SNX14: variants seen among roughly 807,000 people sequenced by gnomAD.
SNX14 encodes sorting nexin 14.
In SNX14, 93 loss-of-function variants were observed where a neutral mutation model predicts 133.8. That is an observed-to-expected ratio of 0.70 (90% CI 0.59 to 0.83). The LOEUF (loss-of-function observed/expected upper bound fraction) is 0.83, where lower values mean the gene tolerates loss of function less well. Ranked by LOEUF, SNX14 falls within the 40% of genes least tolerant of loss-of-function variation. The pLI, the probability that SNX14 is intolerant of heterozygous loss-of-function variation, is 0.00. For missense variants in SNX14, 945 were observed against 1,094.9 expected, an observed-to-expected ratio of 0.86 and a Z score of 1.93; for synonymous variants, 368 against 365.6, an observed-to-expected ratio of 1.01 and a Z score of -0.07.
rs1220817629 is a variant in SNX14 at position 85,514,202 on chromosome 6, G to A, written c.2425C>T (p.His809Tyr). Residue 809 changes from histidine (H) to tyrosine (Y), a missense_variant, in exon 25 of 29, where the codon CAT (histidine) becomes TAT (tyrosine). By Grantham distance (83) the His-to-Tyr change is moderately conservative. Transcript: ENST00000314673. ...ATTCGAGTTCCCATTAAGAGATGATGAAGCCAGTCAGGAACCTGGAAAACT... is the reference window on the plus strand; with the variant it reads ...ATTCGAGTTCCCATTAAGAGATGATAAAGCCAGTCAGGAACCTGGAAAACT... ...RVVFQVPDWL[H>Y]HLLMGTRILF... The A allele has an allele frequency of 1.2e-6, 2 of 1,613,538 alleles. No individual in the cohort carries two copies. The highest frequency in any genetic ancestry group is 1.7e-5 in the Admixed American group (1 of 59,912).
rs146849758 is a variant in SNX14, at chr6:85,547,145, C to G, written c.1075G>C (p.Ala359Pro). ...AAACAAAACTGCAACACGTGCACTG[C>G]GCCTTCTTGTTTCAGAAAGTTCATA... ...RFMNFLKQEG[A>P]VHVLQFCLTV... Residue 359 changes from alanine to proline, a missense_variant, in exon 12 of 29, where the codon GCA becomes CCA. Around this residue, in one of 3 missense-constraint regions of SNX14, gnomAD observed 514 missense variants for 538.8 expected, o/e 0.95. Transcript: ENST00000314673. 1.2e-6 allele frequency: 2 copies of G among 1,613,858 alleles called. No individual in the cohort carries two copies. Among genetic ancestry groups the G allele is most frequent in the African/African-American group, 1.3e-5 (1 of 74,916 alleles).
At chr6:85,523,536 A>C (rs777197510) in intron 21 of SNX14, among the ~76,000 whole-genome samples, 6 of 152,218 alleles carry the variant, frequency 3.9e-5, no homozygotes, top group Admixed American at 1.3e-4. Flanking sequence ...GCACTTTGGG[A>C]GGCTGAGGCA....
rs532585629 is a variant in SNX14 at position 85,538,724 on chromosome 6, T to C, written c.1475+114A>G. ...ATTATCCTAAATAACTAGGATATAA[T>C]GGCAGTTAATACCACAGTGTTCCAT... On this transcript the variant is annotated intron_variant, in intron 16 of 28. Transcript: ENST00000314673. 26 of 754,502 alleles carry C rather than the reference T, an allele frequency of 3.4e-5. No individual in the cohort carries two copies. The Admixed American group carries it at 6.0e-4, about 18-fold the overall frequency. The allele number at this position is 754,502 out of a possible 1,614,324, so 46.7% of individuals were successfully genotyped here.
chr6:85,558,047 G>A lies in SNX14; in HGVS notation c.563C>T (p.Ser188Phe). ...TTTTAATAGTTTCTTGGTTATAATA[G>A]ATGGAATATCCACCTAGAAAAATTC... ...IRRIHKVDIP[S>F]IITKKLLKAA... Residue 188 changes from serine to phenylalanine, a missense_variant, in exon 7 of 29, where the codon TCT becomes TTT. Coordinates refer to ENST00000314673, the MANE Select transcript of SNX14 (RefSeq NM_153816.6). The A allele has an allele frequency of 6.4e-7, 1 of 1,552,020 alleles. No homozygotes were observed. The highest frequency in any genetic ancestry group is 2.3e-5 in the East Asian group (1 of 44,116).
chr6:85,570,768 G>A (rs1284873207), intron 4 of SNX14, among the ~76,000 whole-genome samples: 2 of 151,942 alleles, frequency 1.3e-5, no homozygotes, highest in African/African-American at 4.8e-5. Context: ...CAAGAGAATC[G>A]TTTGAACTCG....
chr6:85,584,248 T>C (rs1402236133), intron 1 of SNX14, among the ~76,000 whole-genome samples: 1 of 152,038 alleles, frequency 6.6e-6, no homozygotes, highest in Admixed American at 6.6e-5. Context: ...AAAAATCAAA[T>C]AAAGATGGAT....
intron 2 of SNX14, among the ~76,000 whole-genome samples, chr6:85,573,152 A>G (rs1380066230): frequency 6.6e-6 from 1 of 152,194 alleles, no homozygotes; most frequent in South Asian, 2.1e-4. Context: ...AAGACAAGAT[A>G]CTACACCAAC....
At chr6:85,553,488 T>G (rs900850197) in intron 7 of SNX14, among the ~76,000 whole-genome samples, 1 of 152,054 alleles carries the variant, frequency 6.6e-6, no homozygotes, top group African/African-American at 2.4e-5. Context: ...CTTTCAGCCT[T>G]AGAATCTGTA....
intron 18 of SNX14, among the ~76,000 whole-genome samples, chr6:85,530,913 T>A (rs1780081783): frequency 6.6e-6 from 1 of 152,150 alleles, no homozygotes; most frequent in Admixed American, 6.6e-5. Context: ...TTCATAAGTT[T>A]TTTTTATTGA....
chr6:85,535,850 C>T lies in SNX14; in HGVS notation c.1608+942G>A, dbSNP rs974744830. Among the ~76,000 whole-genome samples, 9 of 152,216 alleles carry T rather than the reference C, an allele frequency of 5.9e-5. No individual in the cohort carries two copies. The South Asian group carries it at 1.4e-3, about 25-fold the overall frequency. On this transcript the variant is annotated intron_variant, in intron 17 of 28. Coordinates refer to ENST00000314673, the MANE Select transcript of SNX14 (RefSeq NM_153816.6). ...CCTTCTTGGTCATCATCAATCCAAT[C>T]AGTACTAAACACCCCTTTTATACCC...
intron 7 of SNX14, among the ~76,000 whole-genome samples, chr6:85,552,472 C>A (rs1182606759): frequency 1.3e-5 from 2 of 151,990 alleles, no homozygotes; most frequent in African/African-American, 2.4e-5. Context: ...CTGCTAGGAC[C>A]CCCAGCATGA....
intron 21 of SNX14, among the ~76,000 whole-genome samples, chr6:85,518,751 G>A (rs1197215821): frequency 6.6e-6 from 1 of 152,116 alleles, no homozygotes; most frequent in Admixed American, 6.5e-5. Context: ...TTTGTGACAG[G>A]CAAACCACCC....
chr6:85,537,050 T>C (rs1219993072), intron 16 of SNX14, 126 bp from the exon 17 acceptor site: 3 of 997,296 alleles, frequency 3.0e-6, no homozygotes, highest in Non-Finnish European at 4.2e-6. Flanking sequence ...ATAGCTAACA[T>C]AACTTTTGGA....
chr6:85,592,078 T>G (rs1802961695), intron 1 of SNX14, among the ~76,000 whole-genome samples: 1 of 152,224 alleles, frequency 6.6e-6, no homozygotes, highest in African/African-American at 2.4e-5. Flanking sequence ...CCTGTTAGTC[T>G]AGCTTGGAAT....
At chr6:85,554,599 G>A (rs1789017372) in intron 7 of SNX14, among the ~76,000 whole-genome samples, 2 of 152,036 alleles carry the variant, frequency 1.3e-5, no homozygotes, top group Admixed American at 6.6e-5. Flanking sequence ...GGGATCTTGG[G>A]ATAAAATAAG....
chr6:85,546,362 G>C (rs1785478841), intron 12 of SNX14, among the ~76,000 whole-genome samples: 1 of 152,014 alleles, frequency 6.6e-6, no homozygotes, highest in South Asian at 2.1e-4. Flanking sequence ...GAAATTAAAT[G>C]CATTAAAAAC....
At chr6:85,509,880 A>G (rs976207315) in intron 26 of SNX14, among the ~76,000 whole-genome samples, 4 of 152,178 alleles carry the variant, frequency 2.6e-5, no homozygotes, top group African/African-American at 9.6e-5. Flanking sequence ...AACAGCAGAT[A>G]GTTGAAAATA....
At chr6:85,567,247 G>A (rs1364071206) in intron 5 of SNX14, among the ~76,000 whole-genome samples, 1 of 151,884 alleles carries the variant, frequency 6.6e-6, no homozygotes, top group Non-Finnish European at 1.5e-5. Flanking sequence ...TCTTAACTAG[G>A]GCCAATTATG....
At chr6:85,569,612 G>A (rs1016205495) in intron 4 of SNX14, among the ~76,000 whole-genome samples, 1 of 152,100 alleles carries the variant, frequency 6.6e-6, no homozygotes, top group African/African-American at 2.4e-5. Flanking sequence ...TCATTTGATA[G>A]TCTCATTTCT....
Sources: allele counts gnomAD v4.1 joint callset (sites outside exome capture counted in the v4.1 genomes callset), GRCh38; gene constraint gnomAD v4.1.1; regional missense constraint gnomAD v4.1.1; transcripts MANE v1.5; gene names NCBI Gene and HGNC (gene_info 2026-07-23, HGNC 2026-07-21).